MED27: variants seen among roughly 807,000 people sequenced by gnomAD.
MED27 encodes the protein mediator of RNA polymerase II transcription subunit 27.
Under a neutral mutation model 38.2 loss-of-function variants are expected in MED27, and 30 were observed. The observed-to-expected ratio is 0.79, with a 90% CI of 0.59 to 1.07. The LOEUF (loss-of-function observed/expected upper bound fraction) is 1.07. MED27 is among the 50% of genes least tolerant of loss of function. The probability of loss-of-function intolerance (pLI) is 0.00; values close to 1 mark genes in which losing one functional copy is unlikely to be tolerated. For synonymous variants in MED27, 122 were observed against 153.5 expected, an observed-to-expected ratio of 0.79 and a Z score of 1.52; for missense variants, 289 against 397.5, an observed-to-expected ratio of 0.73 and a Z score of 2.32.
chr9:131,863,365 G>C (rs1838683018), intron 6 of MED27, among the ~76,000 whole-genome samples: 1 of 152,242 alleles, frequency 6.6e-6, no homozygotes, highest in Admixed American at 6.5e-5. Flanking sequence ...TGGAGGCAGG[G>C]GGCGTGTGGA....
chr9:131,881,597 G>T (rs1219059844), intron 6 of MED27, among the ~76,000 whole-genome samples: 3 of 152,138 alleles, frequency 2.0e-5, no homozygotes, highest in Non-Finnish European at 4.4e-5. Context: ...AAGCTGCAAA[G>T]ATGCAATAGA....
At chr9:131,925,093 T>C (rs930163021) in intron 4 of MED27, among the ~76,000 whole-genome samples, 1 of 152,210 alleles carries the variant, frequency 6.6e-6, no homozygotes, top group African/African-American at 2.4e-5. Context: ...AAATGTCTGC[T>C]GGGAGGCAAA....
At chr9:131,864,742 C>T (rs1482501341) in intron 6 of MED27, among the ~76,000 whole-genome samples, 2 of 152,250 alleles carry the variant, frequency 1.3e-5, no homozygotes, top group Non-Finnish European at 1.5e-5. Context: ...GTGAGGACGC[C>T]GGCTCTGCAG....
At chr9:132,066,660 C>T (rs894745416) in intron 2 of MED27, among the ~76,000 whole-genome samples, 7 of 152,154 alleles carry the variant, frequency 4.6e-5, no homozygotes, top group Non-Finnish European at 7.4e-5. Flanking sequence ...CCTCCCAAAA[C>T]AAGTAAGTGA....
At chr9:131,972,032 A>G (rs937490255) in intron 3 of MED27, among the ~76,000 whole-genome samples, 14 of 152,228 alleles carry the variant, frequency 9.2e-5, no homozygotes, top group Non-Finnish European at 2.1e-4. Flanking sequence ...CTCAAAAAAA[A>G]ATCTATGTTG....
rs1230885228 is a variant in MED27 at position 131,881,787 on chromosome 9, CCTT to C, written c.723+2268_723+2270del. 8.2e-5 allele frequency among the ~76,000 whole-genome samples: 10 copies of C among 121,762 alleles called. 1 individual carries two copies. Among genetic ancestry groups the C allele is most frequent in the South Asian group, 3.1e-4 (1 of 3,224 alleles). 79.9% of individuals were successfully genotyped at this position (121,762 alleles called of 152,430 possible). A position where few individuals can be genotyped will look rare whatever the true frequency, so the allele number is the denominator to read the frequency against. ...CCCTCCCTCCTTCCCTCCCTCCCTT[CCTT>C]CTTCTTCTTCTTTTTTTTTTTTTTT... On this transcript the variant is annotated intron_variant, in intron 6 of 7. Transcript: ENST00000292035.
At chr9:131,887,808 G>C (rs911646512) in intron 5 of MED27, among the ~76,000 whole-genome samples, 4 of 152,326 alleles carry the variant, frequency 2.6e-5, no homozygotes, top group Admixed American at 6.5e-5. Flanking sequence ...AGAAAGATCT[G>C]AAAACACAAA....
chr9:132,073,419 C>A, intron 2 of MED27: 2 of 1,082,954 alleles, frequency 1.8e-6, no homozygotes, highest in South Asian at 4.4e-5. Context: ...GTGTACCAGG[C>A]GCCTTGCTAG....
chr9:131,954,286 G>A (rs1325102146), intron 3 of MED27, among the ~76,000 whole-genome samples: 2 of 152,142 alleles, frequency 1.3e-5, no homozygotes, highest in Admixed American at 6.5e-5. Context: ...TGTGTGATGT[G>A]AGCACAGGAG....
chr9:131,975,201 G>C (rs976976939), intron 3 of MED27, among the ~76,000 whole-genome samples: 3 of 152,114 alleles, frequency 2.0e-5, no homozygotes, highest in Non-Finnish European at 4.4e-5. Flanking sequence ...TTTTCAAAAG[G>C]AATGTATCTC....
At chr9:132,026,958 A>G (rs1454513015) in intron 2 of MED27, among the ~76,000 whole-genome samples, 1 of 152,236 alleles carries the variant, frequency 6.6e-6, no homozygotes, top group Non-Finnish European at 1.5e-5. Flanking sequence ...CAGGACTGGT[A>G]TCCGGGGAGC....
chr9:131,938,778 ATC>A (rs1309446483), intron 4 of MED27, among the ~76,000 whole-genome samples: 1 of 149,394 alleles, frequency 6.7e-6, no homozygotes, highest in African/African-American at 2.5e-5. Flanking sequence ...CAGTGGAGTG[ATC>A]TCGGCTCACT....
At chr9:131,919,371 C>T (rs1040911815) in intron 4 of MED27, among the ~76,000 whole-genome samples, 7 of 152,044 alleles carry the variant, frequency 4.6e-5, no homozygotes, top group African/African-American at 1.7e-4. Flanking sequence ...AGGTTGGAGA[C>T]TCTAGGGAGC....
intron 4 of MED27, among the ~76,000 whole-genome samples, chr9:131,936,143 A>AT (rs1450630410): frequency 3.5e-4 from 53 of 150,532 alleles, no homozygotes; most frequent in Non-Finnish European, 5.8e-4. Context: ...AAAAAAAAAA[A>AT]AAAAAAAGAA....
intron 6 of MED27, among the ~76,000 whole-genome samples, chr9:131,870,371 C>A (rs189518144): frequency 6.6e-6 from 1 of 152,206 alleles, no homozygotes; most frequent in Non-Finnish European, 1.5e-5. Flanking sequence ...GACATACAGA[C>A]CTCAAGTGTA....
At chr9:131,899,156 T>C (rs1309236515) in intron 4 of MED27, among the ~76,000 whole-genome samples, 1 of 152,210 alleles carries the variant, frequency 6.6e-6, no homozygotes, top group Admixed American at 6.5e-5. Context: ...TTGGACTTTA[T>C]GGAGGTGAAA....
intron 4 of MED27, among the ~76,000 whole-genome samples, chr9:131,906,004 T>C (rs905908343): frequency 2.6e-5 from 4 of 152,192 alleles, no homozygotes; most frequent in South Asian, 2.1e-4. Context: ...AATACAGACA[T>C]AGAAATTGCA....
intron 3 of MED27, among the ~76,000 whole-genome samples, chr9:131,994,723 T>C (rs1832053590): frequency 6.6e-6 from 1 of 152,184 alleles, no homozygotes; most frequent in Non-Finnish European, 1.5e-5. Flanking sequence ...CATATTTCCA[T>C]GAAATAGACA....
intron 5 of MED27, among the ~76,000 whole-genome samples, chr9:131,890,683 C>T (rs977486818): frequency 2.6e-5 from 4 of 152,024 alleles, no homozygotes; most frequent in Admixed American, 1.3e-4. Flanking sequence ...GTGCACCCTA[C>T]AGACAGACAG....
Sources: allele counts gnomAD v4.1 joint callset (sites outside exome capture counted in the v4.1 genomes callset), GRCh38; gene constraint gnomAD v4.1.1; transcripts MANE v1.5; gene names NCBI Gene and HGNC (gene_info 2026-07-23, HGNC 2026-07-21).